CCDC146: variants seen among roughly 807,000 people sequenced by gnomAD.
The protein encoded by CCDC146 is coiled-coil domain containing 146, also known as coiled-coil domain-containing protein 146.
CCDC146 carries 92 observed loss-of-function variants against 119.3 expected under a neutral mutation model. The ratio of observed to expected loss-of-function variants is 0.77; its 90% confidence interval spans 0.65 to 0.92. The LOEUF (loss-of-function observed/expected upper bound fraction) is 0.92. Ranked by LOEUF, CCDC146 falls within the 40% of genes least tolerant of loss-of-function variation. CCDC146 has a pLI of 0.00. For missense variants in CCDC146, 1,000 were observed against 1,103.0 expected (o/e 0.91, Z 1.32); for synonymous variants, 372 against 371.8 (o/e 1.00, Z -0.01).
chr7:77,123,733 C>A (rs1467584810), intron 1 of CCDC146, among the ~76,000 whole-genome samples: 1 of 152,118 alleles, frequency 6.6e-6, no homozygotes, highest in Non-Finnish European at 1.5e-5. Flanking sequence ...CTCATGGGTA[C>A]AAGTCTCAGG....
At position 77,221,138 on chromosome 7, in the gene CCDC146, G is replaced by A. The variant is rs540213812; in HGVS notation, c.157-15809G>A. On this transcript the variant is annotated intron_variant, in intron 2 of 18. Coordinates refer to ENST00000285871, the MANE Select transcript of CCDC146 (RefSeq NM_020879.3). ...ATCACGAGACAGCACCAAGGGGATA[G>A]TGCTATACCATTCATAAAGGATCCA... Among the ~76,000 whole-genome samples, 8 of 152,222 alleles carry A rather than the reference G, an allele frequency of 5.3e-5. No individual in the cohort carries two copies. The East Asian group carries it at 1.5e-3, about 29-fold the overall frequency.
chr7:77,287,210 G>A, intron 16 of CCDC146: 2 of 596,606 alleles, frequency 3.4e-6, no homozygotes, highest in Non-Finnish European at 5.9e-6. Context: ...TTCCTGATGG[G>A]AGCACATCAG....
At position 77,262,241 on chromosome 7, in the gene CCDC146, G is replaced by A. The variant is rs374734712; in HGVS notation, c.1107G>A (p.Leu369=). The A allele has an allele frequency of 6.2e-7, 1 of 1,614,004 alleles. No homozygotes were observed. The highest frequency in any genetic ancestry group is 2.2e-5 in the East Asian group (1 of 44,862). ...RDFRNLRKME[L]LLKVSWDALR... is the part of the protein sequence containing the mutation. ...TTCGAAATTTAAGAAAGATGGAACT[G>A]CTCTTGAAAGTGTCCTGGGATGCAC... is the stretch of plus-strand genomic sequence containing the variant. The change falls in exon 9 of 19, where the codon CTG becomes CTA. Residue 369 remains leucine, a synonymous_variant. Transcript: ENST00000285871.
intron 7 of CCDC146, among the ~76,000 whole-genome samples, chr7:77,259,761 A>G (rs543202279): frequency 6.6e-6 from 1 of 152,258 alleles, no homozygotes; most frequent in Admixed American, 6.5e-5. Flanking sequence ...ATCTGCACAG[A>G]AAGTAGGGAG....
chr7:77,254,413 A>T, intron 4 of CCDC146, 93 bp from the exon 5 acceptor site: 1 of 691,906 alleles, frequency 1.4e-6, no homozygotes, highest in Non-Finnish European at 2.4e-6. Flanking sequence ...CAAGCATGGG[A>T]ATGACATTCT....
At chr7:77,261,897 T>C (rs973253022) in intron 8 of CCDC146, among the ~76,000 whole-genome samples, 1 of 152,236 alleles carries the variant, frequency 6.6e-6, no homozygotes, top group African/African-American at 2.4e-5. Flanking sequence ...AATAGCACTG[T>C]GATGAGCAAA....
rs150585275 is a variant in CCDC146, at chr7:77,274,591, G to A, written c.1379G>A (p.Arg460His). The change falls in exon 11 of 19, where the codon CGC (arginine) becomes CAC (histidine). Residue 460 changes from arginine (R) to histidine (H), a missense_variant. Transcript: ENST00000285871. ...NMKELVVNLL[R>H]MTQIKIDEKE... ...AAAGAGCTAGTAGTCAACCTTCTCC[G>A]CATGACTCAAATCAAAATTGATGAA... The A allele has an allele frequency of 1.5e-4, 242 of 1,612,842 alleles. No homozygotes were observed. The highest frequency in any genetic ancestry group is 9.1e-4 in the African/African-American group (68 of 74,772).
chr7:77,289,099 G>A (rs1005376762), intron 17 of CCDC146, among the ~76,000 whole-genome samples: 11 of 144,062 alleles, frequency 7.6e-5, no homozygotes, highest in African/African-American at 2.6e-4. Context: ...TCACACGTCT[G>A]CCACTGGACT....
chr7:77,237,729 A>G (rs1792764889), intron 3 of CCDC146, among the ~76,000 whole-genome samples: 1 of 152,208 alleles, frequency 6.6e-6, no homozygotes, highest in Admixed American at 6.5e-5. Context: ...AACAGGTCAG[A>G]AGAACAGGCT....
chr7:77,198,257 C>G, intron 2 of CCDC146: 1 of 985,380 alleles, frequency 1.0e-6, no homozygotes, highest in Non-Finnish European at 1.2e-6. Context: ...TGGAGCATGC[C>G]TGAGATACTG....
At chr7:77,254,249 G>A (rs963336469) in intron 4 of CCDC146, among the ~76,000 whole-genome samples, 8 of 152,158 alleles carry the variant, frequency 5.3e-5, no homozygotes, top group Non-Finnish European at 7.3e-5. Flanking sequence ...CCCGAGGCCC[G>A]TGGTCCCCAA....
At chr7:77,239,752 T>A (rs1021262654) in intron 3 of CCDC146, among the ~76,000 whole-genome samples, 1 of 152,210 alleles carries the variant, frequency 6.6e-6, no homozygotes, top group Non-Finnish European at 1.5e-5. Flanking sequence ...TATCTACTGG[T>A]AAGGTTGGAG....
intron 1 of CCDC146, among the ~76,000 whole-genome samples, chr7:77,153,514 G>T (rs1392467539): frequency 1.4e-5 from 2 of 145,174 alleles, no homozygotes; most frequent in African/African-American, 2.6e-5. Flanking sequence ...CAACCCAAAT[G>T]TACAGATGGC....
chr7:77,184,447 G>A (rs530129025), intron 2 of CCDC146, among the ~76,000 whole-genome samples: 1 of 152,238 alleles, frequency 6.6e-6, no homozygotes, highest in East Asian at 1.9e-4. Flanking sequence ...CTAATAGTTG[G>A]CTTCATCAGG....
At chr7:77,240,995 TTTG>T (rs1404966418) in intron 3 of CCDC146, among the ~76,000 whole-genome samples, 2 of 148,254 alleles carry the variant, frequency 1.3e-5, no homozygotes, top group African/African-American at 5.1e-5. Flanking sequence ...TGTTTGTTTG[TTTG>T]TTTTTTTGGG....
chr7:77,180,144 A>G (rs1584046537), intron 2 of CCDC146, among the ~76,000 whole-genome samples: 1 of 150,258 alleles, frequency 6.7e-6, no homozygotes, highest in South Asian at 2.1e-4. Context: ...TGTATGTACC[A>G]TATATATGCA....
intron 9 of CCDC146, among the ~76,000 whole-genome samples, chr7:77,269,268 C>G (rs541318008): frequency 6.6e-6 from 1 of 152,002 alleles, no homozygotes; most frequent in African/African-American, 2.4e-5. Flanking sequence ...CTTGTGCTCT[C>G]TTTGTTCTCT....
At chr7:77,244,735 C>T (rs1792915522) in intron 4 of CCDC146, among the ~76,000 whole-genome samples, 1 of 152,164 alleles carries the variant, frequency 6.6e-6, no homozygotes, top group South Asian at 2.1e-4. Context: ...AATATATTCC[C>T]ATTGTTAAGC....
At chr7:77,173,190 A>C (rs182106599) in intron 2 of CCDC146, among the ~76,000 whole-genome samples, 1 of 152,108 alleles carries the variant, frequency 6.6e-6, no homozygotes, top group Non-Finnish European at 1.5e-5. Flanking sequence ...CATTCTGCAC[A>C]CTTATCCCTT....
Sources: allele counts gnomAD v4.1 joint callset (sites outside exome capture counted in the v4.1 genomes callset), GRCh38; gene constraint gnomAD v4.1.1; transcripts MANE v1.5; gene names NCBI Gene and HGNC (gene_info 2026-07-23, HGNC 2026-07-21).